Variants in SMARCA2 observed in about 807,000 individuals in gnomAD.
SMARCA2 encodes the protein SWI/SNF-related matrix-associated actin-dependent regulator of chromatin subfamily A member 2.
A neutral mutation model predicts 199.8 loss-of-function variants in SMARCA2; 61 were observed. That is an observed-to-expected ratio of 0.31 (90% CI 0.25 to 0.38). The LOEUF (loss-of-function observed/expected upper bound fraction) is 0.38, where lower values mean the gene tolerates loss of function less well. Among genes scored for constraint, SMARCA2 ranks in the 10% least tolerant of loss-of-function variants. SMARCA2 has a pLI of 1.00. For synonymous variants in SMARCA2, 935 were observed against 732.0 expected, an observed-to-expected ratio of 1.28 and a Z score of -4.48; for missense variants, 1,344 against 2,012.2, an observed-to-expected ratio of 0.67 and a Z score of 6.35.
intron 33 of SMARCA2, chr9:2,192,250 C>G (rs1468164821): frequency 6.1e-6 from 1 of 163,072 alleles, no homozygotes; most frequent in African/African-American, 2.4e-5. Flanking sequence ...TTCCCTTTTC[C>G]TAGTTTGATT....
At chr9:2,047,522 G>GC in intron 5 of SMARCA2, 38 bp downstream of exon 5, 1 of 1,293,314 alleles carries the variant, frequency 7.7e-7, no homozygotes. Context: ...CCTGCGGTGT[G>GC]CTAGCACCTG....
In SMARCA2 at chr9:2,115,378, C is replaced by G. The variant is rs961269713; in HGVS notation, c.3457-444C>G. Among the ~76,000 whole-genome samples, 2 of 151,984 alleles carry G rather than the reference C, an allele frequency of 1.3e-5. No individual in the cohort carries two copies. The highest frequency in any genetic ancestry group is 2.9e-5 in the Non-Finnish European group (2 of 67,996). The stretch of plus-strand genomic sequence containing the variant: ...GGTAAGATGTATGTATGTATAATAC[C>G]TGAATGTACAACTCAGTGATATTTT... On this transcript the variant is annotated intron_variant, in intron 24 of 33. Coordinates refer to ENST00000349721, the MANE Select transcript of SMARCA2 (RefSeq NM_003070.5). The surrounding 1 kb of genome is among the most constrained non-coding windows in gnomAD (Gnocchi z 6.0).
intron 14 of SMARCA2, among the ~76,000 whole-genome samples, chr9:2,078,883 T>TA (rs1164672384): frequency 4.6e-5 from 7 of 151,956 alleles, no homozygotes; most frequent in Admixed American, 4.6e-4. Flanking sequence ...AGGCGGAGCT[T>TA]ACAGTGAGCC....
intron 27 of SMARCA2, among the ~76,000 whole-genome samples, chr9:2,151,116 A>G (rs751529105): frequency 1.3e-4 from 20 of 151,528 alleles, no homozygotes; most frequent in South Asian, 6.2e-4. Flanking sequence ...ACAAATCACT[A>G]TGTACATGAC....
chr9:2,164,663 C>T (rs1380527994), intron 28 of SMARCA2, among the ~76,000 whole-genome samples: 1 of 152,172 alleles, frequency 6.6e-6, no homozygotes, highest in Non-Finnish European at 1.5e-5. Flanking sequence ...TTTCTAGAAA[C>T]AGAAAATGCC....
chr9:2,025,040 C>G (rs562615735), intron 1 of SMARCA2, among the ~76,000 whole-genome samples: 2 of 152,024 alleles, frequency 1.3e-5, no homozygotes. Flanking sequence ...AAGTTGAACT[C>G]CTTTTAATAT....
intron 29 of SMARCA2, among the ~76,000 whole-genome samples, chr9:2,176,041 C>T (rs934053690): frequency 8.6e-5 from 13 of 151,940 alleles, no homozygotes; most frequent in Non-Finnish European, 1.6e-4. Context: ...CCACCATACT[C>T]GGCTAATTTT....
chr9:2,085,645 A>G (rs1199069006), intron 17 of SMARCA2: 2 of 151,848 alleles, frequency 1.3e-5, no homozygotes, highest in Non-Finnish European at 2.9e-5. Context: ...AAAAAAATCG[A>G]GGTAGTTTTT....
chr9:2,076,659 T>C (rs1278535336), intron 13 of SMARCA2, among the ~76,000 whole-genome samples: 1 of 152,072 alleles, frequency 6.6e-6, no homozygotes, highest in Non-Finnish European at 1.5e-5. Context: ...ATTGAACTAA[T>C]GAAACTTATC....
At chr9:2,041,138 T>C (rs1408755680) in intron 4 of SMARCA2, 2 of 386,182 alleles carry the variant, frequency 5.2e-6, no homozygotes, top group Non-Finnish European at 9.1e-6. Context: ...ATTTTTTCAT[T>C]AATATTCTGC....
chr9:2,047,440 G>A lies in SMARCA2; in HGVS notation c.1002G>A (p.Pro334=), dbSNP rs1324377000. ...KQSRISPIQK[P]QGLDPVEILQ... The stretch of plus-strand genomic sequence containing the variant: ...GCCGCATCAGCCCCATCCAGAAACC[G>A]CAAGGCCTGGACCCCGTGGAAATTC... Residue 334 remains proline, a synonymous_variant, in exon 5 of 34, where the codon CCG becomes CCA. Coordinates refer to ENST00000349721, the MANE Select transcript of SMARCA2 (RefSeq NM_003070.5). The A allele has an allele frequency of 1.3e-6, 2 of 1,576,818 alleles. No individual in the cohort carries two copies. The highest frequency in any genetic ancestry group is 2.4e-5 in the East Asian group (1 of 41,774).
At chr9:2,124,893 C>G (rs1823620914) in intron 27 of SMARCA2, among the ~76,000 whole-genome samples, 1 of 152,146 alleles carries the variant, frequency 6.6e-6, no homozygotes. Context: ...GACGTGCATT[C>G]CAGACACAGC....
chr9:2,114,873 TATAG>T (rs890023259), intron 24 of SMARCA2, among the ~76,000 whole-genome samples: 1 of 152,230 alleles, frequency 6.6e-6, no homozygotes, highest in African/African-American at 2.4e-5. Context: ...TTTTTCTTTA[TATAG>T]ATAAATTTGC....
At chr9:2,091,844 T>C (rs1822075621) in intron 19 of SMARCA2, among the ~76,000 whole-genome samples, 1 of 152,206 alleles carries the variant, frequency 6.6e-6, no homozygotes, top group South Asian at 2.1e-4. Flanking sequence ...CATTCTCTAA[T>C]GTCTAATATT....
chr9:2,046,838 AAG>A (rs1819869631), intron 4 of SMARCA2, among the ~76,000 whole-genome samples: 1 of 152,210 alleles, frequency 6.6e-6, no homozygotes, highest in African/African-American at 2.4e-5. Flanking sequence ...AAAAAAGAAA[AAG>A]AAAGAAACCC....
chr9:2,076,419 A>T, intron 13 of SMARCA2, 90 bp downstream of exon 13: 1 of 807,974 alleles, frequency 1.2e-6, no homozygotes, highest in Admixed American at 1.8e-5. Flanking sequence ...AAGGAAGGCA[A>T]CTAACTTCAC....
At chr9:2,139,867 T>G (rs1824382485) in intron 27 of SMARCA2, among the ~76,000 whole-genome samples, 1 of 152,214 alleles carries the variant, frequency 6.6e-6, no homozygotes, top group Admixed American at 6.5e-5. Flanking sequence ...TCCTAACCTG[T>G]GGGCTTTCAT....
intron 9 of SMARCA2, among the ~76,000 whole-genome samples, chr9:2,065,248 A>G (rs916937973): frequency 6.6e-6 from 1 of 152,198 alleles, no homozygotes; most frequent in Admixed American, 6.5e-5. Context: ...AGCCAAAACT[A>G]AATATTTAAT....
At chr9:2,124,207 A>C (rs1823588831) in intron 27 of SMARCA2, among the ~76,000 whole-genome samples, 1 of 152,236 alleles carries the variant, frequency 6.6e-6, no homozygotes, top group African/African-American at 2.4e-5. Context: ...CATTGGAAGC[A>C]CAGGATTATG....
Sources: gnomAD v4.1 joint callset for allele counts (sites outside exome capture counted in the v4.1 genomes callset) on GRCh38, gnomAD v4.1.1 for gene constraint, Gnocchi (gnomAD v3.1) non-coding constraint, MANE v1.5 for transcripts, NCBI Gene and HGNC (gene_info 2026-07-23, HGNC 2026-07-21) for gene names.